The following FRMD4B variants were observed in gnomAD, a reference collection of about 807,000 sequenced individuals.
The protein encoded by FRMD4B is FERM domain-containing protein 4B.
A neutral mutation model predicts 141.5 loss-of-function variants in FRMD4B; 74 were observed. That is an observed-to-expected ratio of 0.52 (90% CI 0.43 to 0.63). FRMD4B has a LOEUF of 0.63. Ranked by LOEUF, FRMD4B falls within the 30% of genes least tolerant of loss-of-function variation. FRMD4B has a pLI of 0.00. For synonymous variants in FRMD4B, 506 were observed against 467.9 expected, an observed-to-expected ratio of 1.08 and a Z score of -1.05; for missense variants, 1,366 against 1,253.4, an observed-to-expected ratio of 1.09 and a Z score of -1.36.
At chr3:69,324,159 C>T (rs1343311280) in intron 1 of FRMD4B, among the ~76,000 whole-genome samples, 2 of 152,180 alleles carry the variant, frequency 1.3e-5, no homozygotes, top group African/African-American at 4.8e-5. Context: ...AATTAATCTC[C>T]ACCTGTTGGG....
intron 2 of FRMD4B, among the ~76,000 whole-genome samples, chr3:69,407,260 G>T (rs564066645): frequency 2.0e-4 from 31 of 152,288 alleles, no homozygotes; most frequent in Admixed American, 3.9e-4. Flanking sequence ...AGACAGTAAG[G>T]ATTAGCATGA....
intron 1 of FRMD4B, among the ~76,000 whole-genome samples, chr3:69,343,303 C>T (rs1267752676): frequency 6.6e-6 from 1 of 152,124 alleles, no homozygotes; most frequent in Non-Finnish European, 1.5e-5. Flanking sequence ...GGAGGTCACT[C>T]AGTTTGTCAA....
At position 69,195,084 on chromosome 3, in the gene FRMD4B, G is replaced by A; in HGVS notation, c.1426C>T (p.Gln476Ter). 6.2e-7 allele frequency: 1 copy of A among 1,613,752 alleles called. No individual in the cohort carries two copies. The highest frequency in any genetic ancestry group is 8.5e-7 in the Non-Finnish European group (1 of 1,179,644). ...GCAGTACCCACACGTCTTCTGACCT[G>A]AGGAGGCTTCTCGCCTATGTTCAGG... The part of the protein sequence containing the change: ...YPLNIGEKPP[Q>*]VRRRVGTAFK... Residue 476 changes from glutamine (Q) to a stop codon, truncating the protein, a stop_gained, in exon 16 of 23, where the codon CAG (glutamine) becomes TAG (stop). Coordinates refer to ENST00000398540, the MANE Select transcript of FRMD4B (RefSeq NM_015123.3). LOFTEE classifies it high-confidence loss of function.
intron 1 of FRMD4B, among the ~76,000 whole-genome samples, chr3:69,435,604 A>G (rs1705248316): frequency 6.6e-6 from 1 of 152,138 alleles, no homozygotes; most frequent in Admixed American, 6.5e-5. Flanking sequence ...CTGAAAATAT[A>G]CTCTATCTGG....
chr3:69,329,319 A>G (rs982046273), intron 1 of FRMD4B, among the ~76,000 whole-genome samples: 1 of 152,108 alleles, frequency 6.6e-6, no homozygotes, highest in African/African-American at 2.4e-5. Flanking sequence ...AGAGGCCAAC[A>G]TAAAGGTGAC....
At chr3:69,493,842 C>T (rs17006013) in intron 1 of FRMD4B, among the ~76,000 whole-genome samples, 23,497 of 152,074 alleles carry the variant, frequency 0.15, 2,166 homozygotes, top group African/African-American at 0.25. Flanking sequence ...GAGTATGATA[C>T]GTTTTGTCAT....
intron 11 of FRMD4B, among the ~76,000 whole-genome samples, chr3:69,202,643 C>G (rs1023189139): frequency 1.3e-5 from 2 of 152,076 alleles, no homozygotes; most frequent in African/African-American, 2.4e-5. Context: ...AGTTTGAACA[C>G]TATGTTGTTT....
intron 1 of FRMD4B, among the ~76,000 whole-genome samples, chr3:69,478,002 G>A (rs1209026010): frequency 6.6e-6 from 1 of 151,996 alleles, no homozygotes; most frequent in East Asian, 1.9e-4. Context: ...AGAGGTGTTT[G>A]TAGTATTCTC....
chr3:69,351,429 T>C (rs1703146798), intron 1 of FRMD4B, among the ~76,000 whole-genome samples: 1 of 152,090 alleles, frequency 6.6e-6, no homozygotes, highest in Admixed American at 6.5e-5. Context: ...AAAGAGAAAG[T>C]GTTTTAGTAT....
upstream of FRMD4B, chr3:69,386,245 G>T: frequency 2.5e-6 from 1 of 393,976 alleles, no homozygotes; most frequent in Non-Finnish European, 4.6e-6. Context: ...GCAGCGCCGA[G>T]CAAGCTGTGC....
Position 69,219,348 on chromosome 3 carries a change from C to T in FRMD4B, c.732-969G>A, listed in dbSNP as rs112136791. On this transcript the variant is annotated intron_variant, in intron 9 of 22. Coordinates refer to ENST00000398540, the MANE Select transcript of FRMD4B (RefSeq NM_015123.3). ...TTAACGCAAGTAGACTTTTTAATGA[C>T]ATTTTGATGATCAATTTCTCCAGGA... Among the ~76,000 whole-genome samples the T allele has an allele frequency of 5.4e-4, 82 of 152,152 alleles. 2 individuals are homozygous for T. The South Asian group carries it at 0.011, about 20-fold the overall frequency.
At chr3:69,183,067 G>A (rs1038958408) in intron 19 of FRMD4B, among the ~76,000 whole-genome samples, 1 of 152,342 alleles carries the variant, frequency 6.6e-6, no homozygotes, top group African/African-American at 2.4e-5. Flanking sequence ...AGGGATGGAT[G>A]TATAATTCAG....
At chr3:69,424,590 C>T (rs570598452) in intron 2 of FRMD4B, among the ~76,000 whole-genome samples, 5 of 152,118 alleles carry the variant, frequency 3.3e-5, no homozygotes, top group Non-Finnish European at 7.4e-5. Context: ...GAAACACAAA[C>T]AGCCAATAAA....
At chr3:69,383,982 T>C (rs1371057205) in intron 1 of FRMD4B, among the ~76,000 whole-genome samples, 1 of 152,048 alleles carries the variant, frequency 6.6e-6, no homozygotes, top group African/African-American at 2.4e-5. Flanking sequence ...TTTATTTTTT[T>C]AAGAGATGGG....
At chr3:69,350,846 G>C (rs1258437682) in intron 1 of FRMD4B, among the ~76,000 whole-genome samples, 12 of 129,526 alleles carry the variant, frequency 9.3e-5, no homozygotes, top group African/African-American at 3.1e-4. Flanking sequence ...AGGGGGGAGG[G>C]GGGAGGGATA....
chr3:69,247,697 G>T (rs185581119), intron 7 of FRMD4B, among the ~76,000 whole-genome samples: 2 of 152,060 alleles, frequency 1.3e-5, no homozygotes, highest in African/African-American at 4.8e-5. Context: ...TGCCCAGGCC[G>T]GACTGCAGTG....
intron 1 of FRMD4B, among the ~76,000 whole-genome samples, chr3:69,482,765 A>G: frequency 6.6e-6 from 1 of 152,240 alleles, no homozygotes; most frequent in East Asian, 1.9e-4. Flanking sequence ...ACTGCCTGAA[A>G]TGACCTCGGG....
intron 2 of FRMD4B, among the ~76,000 whole-genome samples, chr3:69,392,686 T>C (rs1010073573): frequency 3.3e-5 from 5 of 151,954 alleles, no homozygotes; most frequent in Non-Finnish European, 7.4e-5. Context: ...AAGAGGTTGG[T>C]GGGCAAAAGT....
rs201996022 is a variant in FRMD4B, at chr3:69,181,208, C to T, written c.2542G>A (p.Glu848Lys). The change falls in exon 21 of 23, where the codon GAG becomes AAG. Residue 848 changes from glutamate to lysine, a missense_variant. Physicochemically the swap from Glu to Lys is moderately conservative, Grantham distance 56 (BLOSUM62 1). Coordinates refer to ENST00000398540, the MANE Select transcript of FRMD4B (RefSeq NM_015123.3). ...SYRSSAHYGY[E>K]RQRDYSRSFH... ...GATCTGCTGTAGTCCCTCTGGCGCT[C>T]ATATCCATAGTGGGCTGAGGACCGG... 174 of 1,613,990 alleles carry T rather than the reference C, an allele frequency of 1.1e-4. No individual in the cohort carries two copies. The African/African-American group carries it at 2.2e-3, about 20-fold the overall frequency.
Sources: allele counts gnomAD v4.1 joint callset (sites outside exome capture counted in the v4.1 genomes callset), GRCh38; gene constraint gnomAD v4.1.1; transcripts MANE v1.5; gene names NCBI Gene and HGNC (gene_info 2026-07-23, HGNC 2026-07-21).